Variants in MACF1 observed in about 807,000 individuals in gnomAD.
The protein encoded by MACF1 is microtubule actin crosslinking factor 1, also known as microtubule-actin cross-linking factor 1.
A neutral mutation model predicts 854.8 loss-of-function variants in MACF1; 193 were observed. That is an observed-to-expected ratio of 0.23 (90% CI 0.20 to 0.25). The LOEUF (loss-of-function observed/expected upper bound fraction) is 0.25. Ranked by LOEUF, MACF1 falls within the 10% of genes least tolerant of loss-of-function variation. MACF1 has a pLI of 1.00. For synonymous variants in MACF1, 3,185 were observed against 3,226.7 expected (o/e 0.99, Z 0.44); for missense variants, 7,722 against 8,929.1 (o/e 0.86, Z 5.45).
chr1:39,160,666 GA>G (rs1272664271), intron 2 of MACF1, among the ~76,000 whole-genome samples: 2 of 152,076 alleles, frequency 1.3e-5, no homozygotes, highest in Non-Finnish European at 2.9e-5. Flanking sequence ...CTGGAAAGAG[GA>G]CATGTAGTTT....
rs770404534 is a variant in MACF1, at chr1:39,452,359, T to C, written c.20613+9T>C. 2.1e-5 allele frequency: 34 copies of C among 1,610,950 alleles called. No homozygotes were observed. The highest frequency in any genetic ancestry group is 1.6e-4 in the Middle Eastern group (1 of 6,062). On this transcript the variant is annotated intron_variant, in intron 86 of 100. Transcript: ENST00000564288. ...AGCAGGCCTTAAAACAAGTAAGGGA[T>C]ATTTGCTGTCCCAACCCAAGGGATA...
At chr1:39,485,517 T>A in intron 100 of MACF1, 21 bp from the exon 101 acceptor site, 2 of 1,595,246 alleles carry the variant, frequency 1.3e-6, no homozygotes, top group Non-Finnish European at 1.7e-6. Flanking sequence ...TTAAGTCTGC[T>A]GTTTTATTCT....
intron 2 of MACF1, among the ~76,000 whole-genome samples, chr1:39,143,408 A>G (rs904411527): frequency 6.6e-6 from 1 of 152,082 alleles, no homozygotes; most frequent in Non-Finnish European, 1.5e-5. Flanking sequence ...TCCTTTTTGT[A>G]TCAGGCCAGG....
intron 2 of MACF1, among the ~76,000 whole-genome samples, chr1:39,161,582 G>A (rs1386799400): frequency 6.6e-6 from 1 of 151,904 alleles, no homozygotes; most frequent in Non-Finnish European, 1.5e-5. Context: ...AAAACTAGCC[G>A]GTGGCTGGGC....
At chr1:39,344,522 T>C (rs1021686540) in intron 40 of MACF1, among the ~76,000 whole-genome samples, 3 of 151,946 alleles carry the variant, frequency 2.0e-5, no homozygotes, top group African/African-American at 7.3e-5. Flanking sequence ...GATCCAAGTG[T>C]GCTGTCTGTC....
Position 39,331,693 on chromosome 1 carries a change from C to T in MACF1, c.5105C>T (p.Pro1702Leu). Reference sequence around the variant, plus strand: ...AGAACATCCAAGAATTTGATAGACCCTAACACAGCTGAGAAAATTGGTTTG... The same window carrying T: ...AGAACATCCAAGAATTTGATAGACCTTAACACAGCTGAGAAAATTGGTTTG... ...YLRTSKNLID[P>L]NTAEKIGLLD... is the part of the protein sequence containing the mutation. Residue 1702 changes from proline to leucine, a missense_variant, in exon 37 of 101, where the codon CCT (proline) becomes CTT (leucine). Pro to Leu is a moderately conservative substitution (Grantham distance 98). Coordinates refer to ENST00000564288, the MANE Select transcript of MACF1 (RefSeq NM_001394062.1). 2.5e-6 allele frequency: 4 copies of T among 1,614,164 alleles called. No homozygotes were observed. The highest frequency in any genetic ancestry group is 3.4e-6 in the Non-Finnish European group (4 of 1,180,030).
At chr1:39,165,970 T>C (rs1319004293) in intron 2 of MACF1, among the ~76,000 whole-genome samples, 1 of 152,188 alleles carries the variant, frequency 6.6e-6, no homozygotes, top group African/African-American at 2.4e-5. Context: ...CTTCCTTTCA[T>C]TGAGAACTTT....
intron 88 of MACF1, 81 bp downstream of exon 88, chr1:39,453,931 A>G (rs1644386201): frequency 6.7e-7 from 1 of 1,482,276 alleles, no homozygotes; most frequent in Admixed American, 2.0e-5. Flanking sequence ...TCCCCCAGGT[A>G]AGGAATCTTT....
chr1:39,322,242 A>G (rs1389357287), intron 31 of MACF1, among the ~76,000 whole-genome samples: 4 of 152,250 alleles, frequency 2.6e-5, no homozygotes, highest in African/African-American at 9.6e-5. Context: ...TATGACCCAC[A>G]GGCCAAATCT....
chr1:39,286,946 C>CATTTTT (rs533535345), intron 14 of MACF1, among the ~76,000 whole-genome samples: 49 of 152,132 alleles, frequency 3.2e-4, no homozygotes, highest in African/African-American at 7.0e-4. Context: ...TCTATGATCT[C>CATTTTT]ATTTTTATTT....
intron 49 of MACF1, among the ~76,000 whole-genome samples, chr1:39,363,292 G>A (rs1316693245): frequency 6.6e-6 from 1 of 152,146 alleles, no homozygotes; most frequent in Non-Finnish European, 1.5e-5. Context: ...TCAAGGTATA[G>A]GAAGTGAATA....
chr1:39,135,803 G>A (rs1207413479), intron 2 of MACF1, among the ~76,000 whole-genome samples: 1 of 152,122 alleles, frequency 6.6e-6, no homozygotes, highest in African/African-American at 2.4e-5. Flanking sequence ...TACTCTGTGT[G>A]CTTACAGTTT....
intron 89 of MACF1, chr1:39,458,001 G>A (rs1187331351): frequency 1.2e-5 from 2 of 167,686 alleles, no homozygotes; most frequent in African/African-American, 4.8e-5. Context: ...CATGGCAAGA[G>A]AGGGAGAGAG....
At position 39,380,396 on chromosome 1, in the gene MACF1, C is replaced by T. The variant is rs546721131; in HGVS notation, c.13648+23C>T. The T allele has an allele frequency of 2.5e-6, 4 of 1,603,904 alleles. No homozygotes were observed. In the South Asian group the frequency reaches 3.4e-5, roughly 13 times the overall value. ...TCAGTAAGTTTTCACAAGAGTGTTACAAATTTGCTAAGTTACTTGTCTTCA... is the reference window on the plus strand; with the variant it reads ...TCAGTAAGTTTTCACAAGAGTGTTATAAATTTGCTAAGTTACTTGTCTTCA... On this transcript the variant is annotated intron_variant, in intron 55 of 100. Transcript: ENST00000564288.
chr1:39,360,390 A>G (rs553921048), intron 47 of MACF1, among the ~76,000 whole-genome samples: 7 of 152,060 alleles, frequency 4.6e-5, no homozygotes, highest in Middle Eastern at 3.4e-3. Flanking sequence ...CAGATAAGAT[A>G]CTTAAGTATC....
intron 2 of MACF1, among the ~76,000 whole-genome samples, chr1:39,109,982 T>C (rs1177134439): frequency 6.6e-6 from 1 of 151,994 alleles, no homozygotes; most frequent in African/African-American, 2.4e-5. Context: ...ATGGGAGAAG[T>C]TTTACGATAT....
chr1:39,258,479 T>C (rs1057029913), intron 6 of MACF1, among the ~76,000 whole-genome samples: 1 of 152,206 alleles, frequency 6.6e-6, no homozygotes, highest in African/African-American at 2.4e-5. Context: ...TAGAATACTT[T>C]AGTATCTGGG....
intron 71 of MACF1, 151 bp from the exon 72 acceptor site, chr1:39,439,123 A>G (rs940051666): frequency 1.9e-6 from 1 of 515,862 alleles, no homozygotes; most frequent in African/African-American, 1.9e-5. Context: ...AGTAAAACTA[A>G]AATAGAAAAT....
intron 2 of MACF1, among the ~76,000 whole-genome samples, chr1:39,162,217 G>T (rs1424108563): frequency 1.3e-5 from 2 of 152,196 alleles, no homozygotes; most frequent in South Asian, 4.2e-4. Context: ...GGCCAGGCTG[G>T]TCTCAAACTC....
Sources: gnomAD v4.1 joint callset for allele counts (sites outside exome capture counted in the v4.1 genomes callset) on GRCh38, gnomAD v4.1.1 for gene constraint, MANE v1.5 for transcripts, NCBI Gene and HGNC (gene_info 2026-07-23, HGNC 2026-07-21) for gene names.